PLA2G4E: variants seen among roughly 807,000 people sequenced by gnomAD.
PLA2G4E encodes cytosolic phospholipase A2 epsilon.
In PLA2G4E, 84 loss-of-function variants were observed where a neutral mutation model predicts 109.1. The observed-to-expected ratio is 0.77, with a 90% CI of 0.65 to 0.92. PLA2G4E has a LOEUF of 0.92. PLA2G4E is among the 40% of genes least tolerant of loss of function. The probability of loss-of-function intolerance (pLI) is 0.00; values close to 1 mark genes in which losing one functional copy is unlikely to be tolerated. For synonymous variants in PLA2G4E, 469 were observed against 436.1 expected (o/e 1.08, Z -0.94); for missense variants, 1,057 against 1,076.6 (o/e 0.98, Z 0.25).
chr15:42,050,462 C>A, intron 1 of PLA2G4E: 1 of 1,493,174 alleles, frequency 6.7e-7, no homozygotes, highest in South Asian at 1.3e-5. Flanking sequence ...TATTCCGAGT[C>A]AGGAAAGTGA....
intron 17 of PLA2G4E, among the ~76,000 whole-genome samples, chr15:41,986,487 C>A (rs1433796673): frequency 6.6e-6 from 1 of 152,016 alleles, no homozygotes; most frequent in Non-Finnish European, 1.5e-5. Context: ...TGAGCTGGGC[C>A]ATCCCTGCCC....
intron 2 of PLA2G4E, 49 bp downstream of exon 2, chr15:42,013,636 C>T: frequency 6.7e-7 from 1 of 1,503,164 alleles, no homozygotes; most frequent in South Asian, 1.2e-5. Context: ...GGGCCTCTTC[C>T]ATCCAGATCC....
intron 1 of PLA2G4E, among the ~76,000 whole-genome samples, chr15:42,045,366 GC>G (rs1889395682): frequency 2.0e-5 from 3 of 152,160 alleles, no homozygotes; most frequent in Admixed American, 2.0e-4. Flanking sequence ...GTGGGGTGGG[GC>G]CCCTGGAGTG....
At chr15:42,010,365 G>T in intron 2 of PLA2G4E, 1 of 305,210 alleles carries the variant, frequency 3.3e-6, no homozygotes, top group Non-Finnish European at 6.6e-6. Flanking sequence ...TTGGCCTAAG[G>T]CTTAAATGTC....
chr15:41,999,981 T>G (rs759830495), exon 9 of PLA2G4E: 2 of 1,609,940 alleles, frequency 1.2e-6, no homozygotes, highest in Admixed American at 3.4e-5. Flanking sequence ...GGGGCCCTTC[T>G]TGCGAGAGCG....
exon 12 of PLA2G4E, chr15:41,995,482 G>A (rs973152222): frequency 1.2e-6 from 2 of 1,613,756 alleles, no homozygotes; most frequent in Non-Finnish European, 1.7e-6. Context: ...TGGCCATGAT[G>A]GCTATCAGCG....
At chr15:42,041,134 G>A (rs913685012) in intron 1 of PLA2G4E, among the ~76,000 whole-genome samples, 1 of 152,150 alleles carries the variant, frequency 6.6e-6, no homozygotes, top group African/African-American at 2.4e-5. Context: ...TTATGAATAT[G>A]CAAACCTTGC....
chr15:42,005,911 G>C, intron 4 of PLA2G4E, 79 bp downstream of exon 4: 1 of 1,511,610 alleles, frequency 6.6e-7, no homozygotes, highest in Non-Finnish European at 9.1e-7. Flanking sequence ...AAGACCCTGG[G>C]GAATGGCTTT....
intron 5 of PLA2G4E, 45 bp from the exon 6 acceptor site, chr15:42,002,741 A>T: frequency 6.6e-7 from 1 of 1,511,936 alleles, no homozygotes; most frequent in South Asian, 1.2e-5. Flanking sequence ...AGCATTCTTG[A>T]CTGGTTTCTT....
chr15:42,010,596 G>T (rs1056907323), intron 2 of PLA2G4E, among the ~76,000 whole-genome samples: 1 of 152,146 alleles, frequency 6.6e-6, no homozygotes, highest in Admixed American at 6.5e-5. Context: ...AGTGACAGAG[G>T]GCTTGGTCAT....
At chr15:41,997,210 G>C in exon 11 of PLA2G4E, 1 of 1,552,258 alleles carries the variant, frequency 6.4e-7, no homozygotes, top group Admixed American at 2.0e-5. Context: ...AGAAACTCCA[G>C]CTCTGCTGGG....
At chr15:42,043,581 AAAAC>A (rs1409425572) in intron 1 of PLA2G4E, among the ~76,000 whole-genome samples, 3 of 141,358 alleles carry the variant, frequency 2.1e-5, no homozygotes, top group Non-Finnish European at 3.1e-5. Flanking sequence ...AAAAAAAAAA[AAAAC>A]AACCACAAAC....
chr15:41,991,983 G>A (rs1276535877), intron 13 of PLA2G4E, among the ~76,000 whole-genome samples: 2 of 152,154 alleles, frequency 1.3e-5, no homozygotes, highest in East Asian at 3.9e-4. Flanking sequence ...CATGTGTCCA[G>A]GAAAAGGACC....
chr15:41,984,327 G>A (rs1017408996), intron 19 of PLA2G4E, 109 bp downstream of exon 19: 2 of 1,227,302 alleles, frequency 1.6e-6, no homozygotes, highest in African/African-American at 3.1e-5. Context: ...GGCTCAGGCT[G>A]GAGCTGAGCC....
intron 1 of PLA2G4E, among the ~76,000 whole-genome samples, chr15:42,033,802 G>A (rs78771905): frequency 6.6e-6 from 1 of 152,210 alleles, no homozygotes; most frequent in Non-Finnish European, 1.5e-5. Context: ...CTGGCCCTGG[G>A]TGGAGTGGGC....
intron 1 of PLA2G4E, among the ~76,000 whole-genome samples, chr15:42,031,287 A>G (rs964786627): frequency 6.6e-6 from 1 of 152,212 alleles, no homozygotes; most frequent in Non-Finnish European, 1.5e-5. Context: ...CCTTCCCTTC[A>G]TGCTTAGCAA....
At chr15:42,021,778 G>A (rs931196596) in intron 1 of PLA2G4E, among the ~76,000 whole-genome samples, 24 of 152,216 alleles carry the variant, frequency 1.6e-4, no homozygotes, top group African/African-American at 5.1e-4. Flanking sequence ...TCTGCTGCCT[G>A]ACTCTGTACA....
At chr15:42,007,984 T>C in intron 2 of PLA2G4E, 119 bp from the exon 3 acceptor site, 2 of 1,128,300 alleles carry the variant, frequency 1.8e-6, no homozygotes, top group East Asian at 2.6e-5. Context: ...GTTCCTCTCC[T>C]CATTCATGGG....
intron 18 of PLA2G4E, among the ~76,000 whole-genome samples, chr15:41,985,425 G>C (rs2068124873): frequency 6.6e-6 from 1 of 152,210 alleles, no homozygotes; most frequent in Non-Finnish European, 1.5e-5. Flanking sequence ...TCCCACCTGA[G>C]AGCACTTGAG....
Sources: allele counts gnomAD v4.1 joint callset (sites outside exome capture counted in the v4.1 genomes callset), GRCh38; gene constraint gnomAD v4.1.1; transcripts MANE v1.5; gene names NCBI Gene and HGNC (gene_info 2026-07-23, HGNC 2026-07-21).